The following SRGAP3 variants were observed in gnomAD, a reference collection of about 807,000 sequenced individuals.
SRGAP3 encodes the protein SLIT-ROBO Rho GTPase-activating protein 3.
Under a neutral mutation model 121.1 loss-of-function variants are expected in SRGAP3, and 39 were observed. That is an observed-to-expected ratio of 0.32 (90% CI 0.25 to 0.42). SRGAP3 has a LOEUF of 0.42. Among genes scored for constraint, SRGAP3 ranks in the 10% least tolerant of loss-of-function variants. The pLI, the probability that SRGAP3 is intolerant of heterozygous loss-of-function variation, is 1.00. For synonymous variants in SRGAP3, 601 were observed against 570.0 expected (o/e 1.05, Z -0.77); for missense variants, 1,213 against 1,470.6 (o/e 0.82, Z 2.86).
At chr3:9,162,735 T>G (rs2668353) in intron 1 of SRGAP3, among the ~76,000 whole-genome samples, 1 of 151,940 alleles carries the variant, frequency 6.6e-6, no homozygotes, top group African/African-American at 2.4e-5. Context: ...GCAGCATGGC[T>G]GGACCCTGGG....
chr3:9,350,635 C>T (rs1316915501), intron 1 of SRGAP3, among the ~76,000 whole-genome samples: 1 of 152,188 alleles, frequency 6.6e-6, no homozygotes, highest in Non-Finnish European at 1.5e-5. Context: ...GAGGTGCTAA[C>T]AAAGTCTTTC....
In SRGAP3 at chr3:8,981,905, C is replaced by G; in HGVS notation, c.*3614G>C. On this transcript the variant is annotated 3_prime_UTR_variant, in exon 22 of 22. Coordinates refer to ENST00000383836, the MANE Select transcript of SRGAP3 (RefSeq NM_014850.4). Reference sequence around the variant, plus strand: ...CTAATTCCCAAGCTCGCAATTCCCTCCGATTGTGCACTCTGTCCGGGGTTC... The same window carrying G: ...CTAATTCCCAAGCTCGCAATTCCCTGCGATTGTGCACTCTGTCCGGGGTTC... 4.4e-6 allele frequency: 1 copy of G among 227,756 alleles called. No individual in the cohort carries two copies. The highest frequency in any genetic ancestry group is 8.7e-6 in the Non-Finnish European group (1 of 114,580). The allele number at this position is 227,756 out of a possible 1,614,324, so 14.1% of individuals were successfully genotyped here.
chr3:9,031,976 C>T (rs1445863260), intron 12 of SRGAP3, among the ~76,000 whole-genome samples: 2 of 152,160 alleles, frequency 1.3e-5, no homozygotes, highest in Non-Finnish European at 2.9e-5. Flanking sequence ...ATGGCTTAAT[C>T]TCATACCCTT....
chr3:9,104,950 G>T, intron 2 of SRGAP3, 108 bp from the exon 3 acceptor site: 1 of 1,359,920 alleles, frequency 7.4e-7, no homozygotes. Context: ...GCCCCTTCAA[G>T]GTCAGTCTTG....
Position 9,111,824 on chromosome 3 carries a change from T to C in SRGAP3, c.261-6982A>G, listed in dbSNP as rs111413646. Among the ~76,000 whole-genome samples the C allele has an allele frequency of 1.4e-3, 209 of 152,296 alleles. 1 individual carries two copies. Among genetic ancestry groups the C allele is most frequent in the African/African-American group, 4.8e-3 (200 of 41,566 alleles). The stretch of plus-strand genomic sequence containing the variant: ...GTGCCCTCGGCCAAGGCACTCAGAG[T>C]GACCCTTCCGCTTCTCCAATCTTTC... On this transcript the variant is annotated intron_variant, in intron 2 of 21. Coordinates refer to ENST00000383836, the MANE Select transcript of SRGAP3 (RefSeq NM_014850.4).
chr3:9,184,188 A>G (rs1951523795), intron 1 of SRGAP3, among the ~76,000 whole-genome samples: 1 of 152,138 alleles, frequency 6.6e-6, no homozygotes. Context: ...ATTAATTAAT[A>G]TTGGGCAAGG....
chr3:9,204,603 G>C (rs1286557951), intron 1 of SRGAP3, among the ~76,000 whole-genome samples: 1 of 152,128 alleles, frequency 6.6e-6, no homozygotes, highest in Non-Finnish European at 1.5e-5. Flanking sequence ...CTGCCCCAGA[G>C]GGGGAAAACA....
At position 8,985,229 on chromosome 3, in the gene SRGAP3, G is replaced by A. The variant is rs1362575332; in HGVS notation, c.*290C>T. 1 of 515,052 alleles carries A rather than the reference G, an allele frequency of 1.9e-6. No homozygotes were observed. The highest frequency in any genetic ancestry group is 3.4e-6 in the Non-Finnish European group (1 of 290,960). The allele number at this position is 515,052 out of a possible 1,614,324, so 31.9% of individuals were successfully genotyped here. ...GGAAGTTTCCAGTGACGATATGCGG[G>A]AGAAGCCATGTGGTATTTTGCCTCC... On this transcript the variant is annotated 3_prime_UTR_variant, in exon 22 of 22. Transcript: ENST00000383836. This position sits in a 1 kb window ranked among gnomAD's most constrained non-coding sequence, Gnocchi z 5.1.
chr3:9,095,641 T>C (rs1947937159), intron 3 of SRGAP3, among the ~76,000 whole-genome samples: 1 of 152,250 alleles, frequency 6.6e-6, no homozygotes, highest in Non-Finnish European at 1.5e-5. Flanking sequence ...TTTCCATTTA[T>C]GGAGGGCTCT....
At chr3:9,136,721 A>C (rs1949678346) in intron 1 of SRGAP3, among the ~76,000 whole-genome samples, 1 of 152,180 alleles carries the variant, frequency 6.6e-6, no homozygotes, top group African/African-American at 2.4e-5. Flanking sequence ...GGGCTGCCTG[A>C]ATCACAGGAT....
intron 2 of SRGAP3, among the ~76,000 whole-genome samples, chr3:9,326,592 C>A (rs1433475701): frequency 6.6e-6 from 1 of 151,792 alleles, no homozygotes; most frequent in Admixed American, 6.6e-5. Context: ...ATGCTTAACA[C>A]TGAACTTATG....
intron 3 of SRGAP3, among the ~76,000 whole-genome samples, chr3:9,101,617 CA>C (rs1490505314): frequency 2.0e-5 from 3 of 152,210 alleles, no homozygotes; most frequent in Non-Finnish European, 4.4e-5. Context: ...AAACGGGAAA[CA>C]GAGAAAACTG....
At chr3:9,331,746 T>A (rs1264342361) in intron 1 of SRGAP3, among the ~76,000 whole-genome samples, 2 of 152,144 alleles carry the variant, frequency 1.3e-5, no homozygotes, top group Non-Finnish European at 2.9e-5. Context: ...AGAACCCCTG[T>A]CCAAGACCAC....
intron 3 of SRGAP3, among the ~76,000 whole-genome samples, chr3:9,102,676 CCTTTGTTCCA>C (rs1218867299): frequency 6.6e-6 from 1 of 152,262 alleles, no homozygotes; most frequent in African/African-American, 2.4e-5. Flanking sequence ...TGGGTTGTTT[CCTTTGTTCCA>C]CAGGCACAGG....
At chr3:9,057,969 T>C (rs2664095) in intron 7 of SRGAP3, among the ~76,000 whole-genome samples, 97,183 of 152,046 alleles carry the variant, frequency 0.64, 32,779 homozygotes, top group South Asian at 0.82. Flanking sequence ...GGTTAGAACA[T>C]GAGCCTGTGT....
At chr3:9,283,861 G>A (rs904945748) in intron 3 of SRGAP3, among the ~76,000 whole-genome samples, 8 of 152,150 alleles carry the variant, frequency 5.3e-5, no homozygotes, top group African/African-American at 1.4e-4. Flanking sequence ...ATGTTAAAAC[G>A]ATAGTACACA....
chr3:9,350,066 T>C (rs1335002350), intron 1 of SRGAP3: 1 of 151,762 alleles, frequency 6.6e-6, no homozygotes, highest in African/African-American at 2.4e-5. Context: ...AAAGGAGTGA[T>C]CTGTAAAAAA....
At position 9,060,426 on chromosome 3, in the gene SRGAP3, T is replaced by TG; in HGVS notation, c.673-68_673-67insC. On this transcript the variant is annotated intron_variant, in intron 5 of 21. Coordinates refer to ENST00000383836, the MANE Select transcript of SRGAP3 (RefSeq NM_014850.4). ...GAGGACGGGGTTTGTGATTTTCTATTCCTTTTTTTTTTTTTTTTGAGACAG... is the reference window on the plus strand; with the variant it reads ...GAGGACGGGGTTTGTGATTTTCTATTGCCTTTTTTTTTTTTTTTTGAGACAG... The TG allele has an allele frequency of 6.0e-6, 9 of 1,502,154 alleles. No homozygotes were observed. The African/African-American group carries it at 1.1e-4, about 18-fold the overall frequency. The allele number at this position is 1,502,154 out of a possible 1,614,324, so 93.1% of individuals were successfully genotyped here.
At chr3:9,319,153 G>T (rs2125281518) in intron 3 of SRGAP3, among the ~76,000 whole-genome samples, 1 of 152,036 alleles carries the variant, frequency 6.6e-6, no homozygotes, top group East Asian at 1.9e-4. Context: ...CTGTGAAGTA[G>T]ATGTCATTCA....
Sources: allele counts gnomAD v4.1 joint callset (sites outside exome capture counted in the v4.1 genomes callset), GRCh38; gene constraint gnomAD v4.1.1; non-coding constraint Gnocchi (gnomAD v3.1); transcripts MANE v1.5; gene names NCBI Gene and HGNC (gene_info 2026-07-23, HGNC 2026-07-21).